Variants in KAZN observed in about 807,000 individuals in gnomAD.
The protein encoded by KAZN is kazrin.
A neutral mutation model predicts 87.4 loss-of-function variants in KAZN; 40 were observed. The observed-to-expected ratio is 0.46, with a 90% CI of 0.36 to 0.60. The LOEUF (loss-of-function observed/expected upper bound fraction) is 0.60, where lower values mean the gene tolerates loss of function less well. KAZN is among the 20% of genes least tolerant of loss of function. KAZN has a pLI of 0.00. For synonymous variants in KAZN, 466 were observed against 458.3 expected (o/e 1.02, Z -0.22); for missense variants, 898 against 1,073.9 (o/e 0.84, Z 2.29).
intron 1 of KAZN, among the ~76,000 whole-genome samples, chr1:14,037,001 A>G (rs4662081): frequency 0.72 from 109,245 of 151,774 alleles, 39,445 homozygotes; most frequent in Admixed American, 0.83. Flanking sequence ...GCTGGTCTCA[A>G]ACTCCTGACC....
intron 1 of KAZN, among the ~76,000 whole-genome samples, chr1:14,169,479 G>A (rs1449104245): frequency 6.6e-6 from 1 of 152,146 alleles, no homozygotes; most frequent in African/African-American, 2.4e-5. Context: ...GGACAGTTTG[G>A]TGGTGCCCAA....
In KAZN at chr1:14,977,575, A is replaced by T. The variant is rs959543616; in HGVS notation, c.418+16700A>T. ...TCTGCTGCCTCTGAGTCAGCTGGAGAATTCATGTGCCTGCCGAGGTTGGCA... is the reference window on the plus strand; with the variant it reads ...TCTGCTGCCTCTGAGTCAGCTGGAGTATTCATGTGCCTGCCGAGGTTGGCA... On this transcript the variant is annotated intron_variant, in intron 2 of 14. Coordinates refer to ENST00000376030, the MANE Select transcript of KAZN (RefSeq NM_201628.3). Among the ~76,000 whole-genome samples the T allele has an allele frequency of 4.6e-5, 7 of 152,188 alleles. 1 individual carries two copies. The South Asian group carries it at 1.5e-3, about 32-fold the overall frequency.
At chr1:14,808,130 T>A (rs1352920657) in intron 1 of KAZN, among the ~76,000 whole-genome samples, 2 of 152,118 alleles carry the variant, frequency 1.3e-5, no homozygotes, top group Admixed American at 6.5e-5. Flanking sequence ...ACTGAGATAC[T>A]GTGAGCCTGT....
At chr1:14,652,486 T>TCTGCCTATCCATCCACCCACCCAC (rs1638462009) in intron 1 of KAZN, among the ~76,000 whole-genome samples, 1 of 2,274 alleles carries the variant, frequency 4.4e-4, no homozygotes, top group African/African-American at 1.7e-3. Flanking sequence ...CACCCGCCCA[T>TCTGCCTATCCATCCACCCACCCAC]CCACCTATCC....
chr1:14,806,672 T>G (rs1437822306), intron 1 of KAZN, among the ~76,000 whole-genome samples: 1 of 152,202 alleles, frequency 6.6e-6, no homozygotes, highest in Non-Finnish European at 1.5e-5. Flanking sequence ...TTCATTGATC[T>G]GTGCAGAATC....
intron 2 of KAZN, among the ~76,000 whole-genome samples, chr1:14,436,407 A>AG (rs1191363497): frequency 5.9e-5 from 9 of 152,052 alleles, no homozygotes; most frequent in Admixed American, 5.2e-4. Flanking sequence ...GCAATTATTG[A>AG]GGGATTTCTT....
intron 1 of KAZN, among the ~76,000 whole-genome samples, chr1:14,831,228 T>C (rs1647039510): frequency 6.6e-6 from 1 of 152,248 alleles, no homozygotes; most frequent in African/African-American, 2.4e-5. Flanking sequence ...CAGGTACAGC[T>C]GGATCCAGAG....
At chr1:14,955,364 C>T (rs1472832211) in intron 1 of KAZN, among the ~76,000 whole-genome samples, 1 of 152,228 alleles carries the variant, frequency 6.6e-6, no homozygotes, top group Admixed American at 6.5e-5. Flanking sequence ...GAAGTGCCTG[C>T]TGGTGGCCCC....
intron 1 of KAZN, among the ~76,000 whole-genome samples, chr1:14,938,904 C>A (rs918103178): frequency 1.3e-5 from 2 of 152,204 alleles, no homozygotes; most frequent in African/African-American, 4.8e-5. Flanking sequence ...AATAAACCAT[C>A]TTAGATACTG....
At chr1:13,933,101 C>T (rs1030279931) in intron 1 of KAZN, among the ~76,000 whole-genome samples, 15 of 152,056 alleles carry the variant, frequency 9.9e-5, no homozygotes, top group Admixed American at 9.8e-4. Context: ...CACGTAAACT[C>T]AAGGCGTTAT....
At chr1:14,465,536 A>G (rs1276493733) in intron 2 of KAZN, among the ~76,000 whole-genome samples, 1 of 152,074 alleles carries the variant, frequency 6.6e-6, no homozygotes, top group Non-Finnish European at 1.5e-5. Context: ...TAGGACTCAA[A>G]TGGTAGCTTA....
At chr1:14,821,923 G>GT (rs1483008806) in intron 1 of KAZN, among the ~76,000 whole-genome samples, 1 of 152,166 alleles carries the variant, frequency 6.6e-6, no homozygotes, top group Non-Finnish European at 1.5e-5. Flanking sequence ...CTCCAGACAC[G>GT]TGGTGGTTTT....
intron 2 of KAZN, among the ~76,000 whole-genome samples, chr1:14,285,426 A>ACATCTGTGCACAATGGCCCAT (rs1653166886): frequency 6.6e-6 from 1 of 152,216 alleles, no homozygotes; most frequent in Non-Finnish European, 1.5e-5. Flanking sequence ...CAATGGCCCA[A>ACATCTGTGCACAATGGCCCAT]CATCTGGCCC....
intron 2 of KAZN, among the ~76,000 whole-genome samples, chr1:14,999,953 A>G (rs1668298533): frequency 6.6e-6 from 1 of 152,076 alleles, no homozygotes; most frequent in African/African-American, 2.4e-5. Flanking sequence ...GGTAAGCTAA[A>G]TAATGCCCGC....
In KAZN at chr1:14,385,776, A is replaced by G. The variant is rs1340632194; in HGVS notation, c.249+205184A>G. ...AATAGGTGTGGTGTGGTGCTGAAAA[A>G]AATGTATATTCTGTTGATTTGGGGT... On this transcript the variant is annotated intron_variant, in intron 2 of 16. Coordinates refer to the KAZN transcript ENST00000636203. Among the ~76,000 whole-genome samples, 5 of 150,122 alleles carry G rather than the reference A, an allele frequency of 3.3e-5. No individual in the cohort carries two copies. The East Asian group carries it at 7.9e-4, about 24-fold the overall frequency.
intron 1 of KAZN, among the ~76,000 whole-genome samples, chr1:14,837,335 G>A (rs1647366873): frequency 6.6e-6 from 1 of 151,886 alleles, no homozygotes; most frequent in Admixed American, 6.6e-5. Context: ...GAGTAGCTGG[G>A]ATTACAGGCA....
At chr1:14,574,649 T>C (rs992664720) in intron 2 of KAZN, among the ~76,000 whole-genome samples, 11 of 152,212 alleles carry the variant, frequency 7.2e-5, no homozygotes, top group African/African-American at 2.4e-4. Context: ...CAGTCTCGGG[T>C]ATGTCTTTAT....
chr1:14,690,652 A>C (rs1641236232), intron 1 of KAZN, among the ~76,000 whole-genome samples: 2 of 152,220 alleles, frequency 1.3e-5, no homozygotes, highest in Admixed American at 1.3e-4. Context: ...TTCTAAAACA[A>C]ATCCAAAGCT....
At chr1:14,245,409 T>C (rs1649405417) in intron 2 of KAZN, among the ~76,000 whole-genome samples, 1 of 152,094 alleles carries the variant, frequency 6.6e-6, no homozygotes, top group Non-Finnish European at 1.5e-5. Flanking sequence ...TCCATATCAA[T>C]AAATGGGGAG....
Sources: gnomAD v4.1 joint callset for allele counts (sites outside exome capture counted in the v4.1 genomes callset) on GRCh38, gnomAD v4.1.1 for gene constraint, MANE v1.5 for transcripts, NCBI Gene and HGNC (gene_info 2026-07-23, HGNC 2026-07-21) for gene names.